The following AKAP14 variants were observed in gnomAD, a reference collection of about 807,000 sequenced individuals.
The protein encoded by AKAP14 is A-kinase anchoring protein 14.
A neutral mutation model predicts 17.0 loss-of-function variants in AKAP14; 4 were observed. The ratio of observed to expected loss-of-function variants is 0.23; its 90% CI spans 0.12 to 0.54. The LOEUF is 0.54. AKAP14 is among the 20% of genes least tolerant of loss of function. The pLI, the probability that AKAP14 is intolerant of heterozygous loss-of-function variation, is 0.95. For missense variants in AKAP14, 129 were observed against 150.9 expected, an observed-to-expected ratio of 0.85 and a Z score of 0.76; for synonymous variants, 42 against 51.3, an observed-to-expected ratio of 0.82 and a Z score of 0.77.
chrX:119,899,013 A>T (rs1477362963), intron 2 of AKAP14, among the ~76,000 whole-genome samples: 1 of 106,715 alleles, frequency 9.4e-6, no homozygotes, highest in Non-Finnish European at 1.9e-5. Context: ...CTAAAAATAC[A>T]AAAATTAGCT....
chrX:119,903,176 A>G (rs1177388309), intron 2 of AKAP14, 38 bp from the exon 3 acceptor site: 3 of 1,123,804 alleles, frequency 2.7e-6, no homozygotes, highest in Non-Finnish European at 3.6e-6. Context: ...ACATGTGTGT[A>G]CACACACAGG....
At chrX:119,902,132 C>T (rs564529210) in intron 2 of AKAP14, among the ~76,000 whole-genome samples, 12 of 104,117 alleles carry the variant, frequency 1.2e-4, no homozygotes, top group Admixed American at 6.3e-4. Context: ...TGCAGTGGTG[C>T]GATCTCGGCT....
intron 2 of AKAP14, among the ~76,000 whole-genome samples, chrX:119,900,680 G>A (rs1342798217): frequency 2.7e-5 from 3 of 111,650 alleles, no homozygotes; most frequent in Non-Finnish European, 5.7e-5. Flanking sequence ...GGGATTACAG[G>A]CACACATCAC....
intron 5 of AKAP14, 85 bp downstream of exon 5, chrX:119,914,963 A>G: frequency 5.1e-6 from 5 of 976,052 alleles, no homozygotes; most frequent in Non-Finnish European, 7.1e-6. Flanking sequence ...CCCCATTTTT[A>G]CAAAATTTAA....
At chrX:119,917,605 C>CA (rs1363154025) in intron 5 of AKAP14, among the ~76,000 whole-genome samples, 17 of 98,386 alleles carry the variant, frequency 1.7e-4, no homozygotes, top group South Asian at 9.2e-4. Context: ...AACACCATTT[C>CA]AAAAAAAAAA....
Position 119,920,522 on chromosome X carries a change from G to A in AKAP14, c.509G>A (p.Arg170His), listed in dbSNP as rs1433845368. 3 of 1,207,052 alleles carry A rather than the reference G, an allele frequency of 2.5e-6. No individual in the cohort carries two copies. The highest frequency in any genetic ancestry group is 3.5e-5 in the African/African-American group (2 of 57,746). The change falls in exon 7 of 7, where the codon CGC becomes CAC. Residue 170 changes from arginine (R) to histidine (H), a missense_variant. By Grantham distance (29) the Arg-to-His change is conservative. Transcript: ENST00000371431. ...TTCCTTTGTAGACCAGGAATGGTTCGCTTTCGAGAAAACTGGCAGAAGAAT... is the reference window on the plus strand; with the variant it reads ...TTCCTTTGTAGACCAGGAATGGTTCACTTTCGAGAAAACTGGCAGAAGAAT... ...QALVHRPGMV[R>H]FRENWQKNLT...
rs112529683 is a variant in AKAP14, at chrX:119,900,406, G to T, written c.-10-2808G>T. On this transcript the variant is annotated intron_variant, in intron 2 of 6. Coordinates refer to ENST00000371431, the MANE Select transcript of AKAP14 (RefSeq NM_178813.6). ...CCAAACCTGGCCCAGGCCAATTTTT[G>T]TATTTTTAGTAGAGATGGGGTTTCT... is the stretch of plus-strand genomic sequence containing the variant. Among the ~76,000 whole-genome samples, 715 of 111,594 alleles carry T rather than the reference G, an allele frequency of 6.4e-3. 4 individuals are homozygous for T. The highest frequency in any genetic ancestry group is 0.021 in the African/African-American group (652 of 30,862).
chrX:119,899,150 G>A (rs866660697), intron 2 of AKAP14, among the ~76,000 whole-genome samples: 3 of 77,034 alleles, frequency 3.9e-5, no homozygotes, highest in African/African-American at 5.8e-5. Flanking sequence ...CTGGGTGACA[G>A]AACAAGACTC....
In AKAP14 at chrX:119,914,867, A is replaced by G. The variant is rs1160878348; in HGVS notation, c.430A>G (p.Thr144Ala). The change falls in exon 5 of 7, where the codon ACC becomes GCC. Residue 144 changes from threonine to alanine, a missense_variant. Thr to Ala is a moderately conservative substitution (Grantham distance 58). Coordinates refer to ENST00000371431, the MANE Select transcript of AKAP14 (RefSeq NM_178813.6). Reference protein sequence around the residue: ...GTYFTMKVSKTKPPDAPIVVS... With the variant: ...GTYFTMKVSKAKPPDAPIVVS... ...CTACTTCACCATGAAGGTCTCCAAA[A>G]CCAAACCACCGGTAAGTTCTTCTTT... 3.3e-6 allele frequency: 4 copies of G among 1,206,251 alleles called. No individual in the cohort carries two copies. In the South Asian group the frequency reaches 7.1e-5, roughly 21 times the overall value.
intron 2 of AKAP14, among the ~76,000 whole-genome samples, chrX:119,900,246 C>T (rs1316841061): frequency 8.9e-6 from 1 of 112,181 alleles, no homozygotes; most frequent in Non-Finnish European, 1.9e-5. Context: ...GCACGTGCCA[C>T]CACACCTGGC....
intron 5 of AKAP14, 83 bp from the exon 6 acceptor site, chrX:119,919,828 A>C (rs987712643): frequency 9.7e-7 from 1 of 1,035,015 alleles, no homozygotes; most frequent in Non-Finnish European, 1.4e-6. Flanking sequence ...CCTGGGAGAC[A>C]GAGCAAGAAG....
intron 2 of AKAP14, among the ~76,000 whole-genome samples, chrX:119,898,549 T>TG (rs1178345045): frequency 1.1e-3 from 124 of 110,416 alleles, no homozygotes; most frequent in Non-Finnish European, 2.0e-3. Flanking sequence ...CCCAGCACTT[T>TG]GGAGATTACA....
intron 2 of AKAP14, among the ~76,000 whole-genome samples, chrX:119,901,930 A>T (rs959270983): frequency 3.8e-5 from 4 of 106,630 alleles, no homozygotes; most frequent in African/African-American, 1.4e-4. Context: ...AATCACTTGA[A>T]CCTGGATTCT....
At chrX:119,896,471 CGGAGG>C (rs1410789979) in intron 2 of AKAP14, among the ~76,000 whole-genome samples, 1 of 17,036 alleles carries the variant, frequency 5.9e-5, no homozygotes, top group Non-Finnish European at 1.1e-4. Flanking sequence ...GGGAGGGGAG[CGGAGG>C]GGAGGGGAGA....
intron 4 of AKAP14, among the ~76,000 whole-genome samples, chrX:119,911,930 CTT>C (rs139737732): frequency 0.041 from 3,884 of 93,859 alleles, 204 homozygotes; most frequent in African/African-American, 0.14. Context: ...CTGGAGGTTG[CTT>C]TTTTTTTTTT....
chrX:119,912,174 G>A (rs2056631273), intron 4 of AKAP14, among the ~76,000 whole-genome samples: 1 of 108,630 alleles, frequency 9.2e-6, no homozygotes, highest in Non-Finnish European at 1.9e-5. Flanking sequence ...TAAGTGATCT[G>A]CCCGCCTCAG....
At chrX:119,900,195 C>A (rs921098061) in intron 2 of AKAP14, among the ~76,000 whole-genome samples, 1 of 111,686 alleles carries the variant, frequency 9.0e-6, no homozygotes, top group Non-Finnish European at 1.9e-5. Context: ...CAGATTCAAG[C>A]GATTCTCCTG....
intron 4 of AKAP14, among the ~76,000 whole-genome samples, chrX:119,904,884 C>CA (rs11461432): frequency 0.2 from 22,006 of 107,524 alleles, 2,458 homozygotes; most frequent in African/African-American, 0.4. Flanking sequence ...GACTCCGTCT[C>CA]AAAAAATAAT....
At chrX:119,919,714 C>T (rs1205323291) in intron 5 of AKAP14, 197 bp from the exon 6 acceptor site, 9 of 343,121 alleles carry the variant, frequency 2.6e-5, no homozygotes, top group Admixed American at 2.1e-4. Flanking sequence ...GGTGTGGTGG[C>T]GGGCATCTAT....
Sources: allele counts gnomAD v4.1 joint callset (sites outside exome capture counted in the v4.1 genomes callset), GRCh38; gene constraint gnomAD v4.1.1; transcripts MANE v1.5; gene names NCBI Gene and HGNC (gene_info 2026-07-23, HGNC 2026-07-21).